The following SCN7A variants were observed in gnomAD, a reference collection of about 807,000 sequenced individuals.
SCN7A encodes the protein sodium voltage-gated channel alpha subunit 7.
Under a neutral mutation model 155.2 loss-of-function variants are expected in SCN7A, and 138 were observed. The observed-to-expected ratio is 0.89, with a 90% CI of 0.77 to 1.02. The LOEUF is 1.02. SCN7A is among the 50% of genes least tolerant of loss of function. The pLI, the probability that SCN7A is intolerant of heterozygous loss-of-function variation, is 0.00. For missense variants in SCN7A, 2,058 were observed against 1,986.6 expected (o/e 1.04, Z -0.68); for synonymous variants, 693 against 649.0 (o/e 1.07, Z -1.03).
chr2:166,461,597 G>T (rs1028039486), intron 10 of SCN7A, among the ~76,000 whole-genome samples: 1 of 152,060 alleles, frequency 6.6e-6, no homozygotes, highest in Non-Finnish European at 1.5e-5. Flanking sequence ...ATAAATAATT[G>T]CTTAAGATAT....
At chr2:166,419,306 T>C (rs1008448859) in intron 20 of SCN7A, among the ~76,000 whole-genome samples, 10 of 151,896 alleles carry the variant, frequency 6.6e-5, no homozygotes, top group African/African-American at 2.4e-4. Flanking sequence ...CATGTCAGAA[T>C]ATTCTATAAT....
intron 11 of SCN7A, among the ~76,000 whole-genome samples, chr2:166,456,348 T>A (rs1381782769): frequency 3.9e-5 from 6 of 152,182 alleles, no homozygotes; most frequent in South Asian, 4.1e-4. Context: ...GAACTGGACA[T>A]ATATCCAGTA....
chr2:166,447,566 T>C (rs1448398136), intron 12 of SCN7A, 46 bp downstream of exon 12: 1 of 1,231,462 alleles, frequency 8.1e-7, no homozygotes, highest in Non-Finnish European at 1.2e-6. Flanking sequence ...GTGAATTTTA[T>C]GAGTAGTACC....
chr2:166,462,607 T>C (rs1702439671), intron 9 of SCN7A, 77 bp from the exon 10 acceptor site: 1 of 1,405,158 alleles, frequency 7.1e-7, no homozygotes, highest in Non-Finnish European at 9.9e-7. Flanking sequence ...ATATAGAACA[T>C]CAGTCCTGAG....
rs75001129 is a variant in SCN7A, at chr2:166,416,189, A to T, written c.3414+518T>A. ...GGTCAGACAGGTTCTCTGCTCTCGAACCCTGTTTTCTGTTAAGATGTTTAT... is the reference window on the plus strand; with the variant it reads ...GGTCAGACAGGTTCTCTGCTCTCGATCCCTGTTTTCTGTTAAGATGTTTAT... On this transcript the variant is annotated intron_variant, in intron 21 of 25. Coordinates refer to ENST00000643258, the MANE Select transcript of SCN7A (RefSeq NM_002976.4). 5.1e-3 allele frequency among the ~76,000 whole-genome samples: 777 copies of T among 152,106 alleles called. 38 individuals are homozygous for T. In the East Asian group the frequency reaches 0.11, roughly 22 times the overall value.
chr2:166,423,491 T>C (rs1002787399), intron 18 of SCN7A, 59 bp from the exon 19 acceptor site: 57 of 1,443,736 alleles, frequency 3.9e-5, no homozygotes, highest in Non-Finnish European at 4.4e-5. Context: ...AAAAACTCTT[T>C]TGACATAAAA....
intron 18 of SCN7A, among the ~76,000 whole-genome samples, 183 bp downstream of exon 18, chr2:166,427,605 T>C (rs1362959725): frequency 2.0e-5 from 3 of 152,064 alleles, no homozygotes; most frequent in African/African-American, 7.2e-5. Context: ...GAATGATGCA[T>C]ATATAAACTT....
At chr2:166,478,901 T>G (rs1702860079) in intron 2 of SCN7A, among the ~76,000 whole-genome samples, 2 of 152,024 alleles carry the variant, frequency 1.3e-5, no homozygotes, top group African/African-American at 2.4e-5. Flanking sequence ...ACCTGGTTCT[T>G]TTTTCACACA....
At chr2:166,487,518 C>G (rs1261082318) in intron 1 of SCN7A, among the ~76,000 whole-genome samples, 1 of 152,162 alleles carries the variant, frequency 6.6e-6, no homozygotes, top group Non-Finnish European at 1.5e-5. Context: ...TAGGAGATGA[C>G]TGCCCAGGCC....
rs1701057406 is a variant in SCN7A at position 166,405,819 on chromosome 2, A to G, written c.4810T>C (p.Leu1604=). The G allele has an allele frequency of 4.3e-6, 7 of 1,613,008 alleles. No homozygotes were observed. Among genetic ancestry groups the G allele is most frequent in the Admixed American group, 3.3e-5 (2 of 59,870 alleles). The change falls in exon 26 of 26, where the codon TTG becomes CTG. Residue 1604 remains leucine, a synonymous_variant. Transcript: ENST00000643258. ...GTGATCTTAAAAGGGTTGGCTAACA[A>G]AAACCCTGATTCTATTTCTGAAACA... is the stretch of plus-strand genomic sequence containing the variant. ...KVVSEIESGF[L]LANPFKITCE... is the part of the protein sequence containing the mutation.
intron 15 of SCN7A, among the ~76,000 whole-genome samples, chr2:166,435,650 A>G (rs1408673362): frequency 1.3e-5 from 2 of 152,128 alleles, no homozygotes; most frequent in Non-Finnish European, 2.9e-5. Context: ...TATTGAGGCT[A>G]TTTAATTTTA....
chr2:166,454,686 C>T (rs1292595583), intron 11 of SCN7A, among the ~76,000 whole-genome samples: 1 of 151,948 alleles, frequency 6.6e-6, no homozygotes, highest in African/African-American at 2.4e-5. Context: ...CTCTATTTTT[C>T]GTTCTCTGGC....
chr2:166,410,609 A>G (rs796923338), intron 23 of SCN7A, among the ~76,000 whole-genome samples: 15 of 152,150 alleles, frequency 9.9e-5, no homozygotes, highest in African/African-American at 3.6e-4. Flanking sequence ...AAAAGAGGAC[A>G]AAGGAGAAAC....
At chr2:166,426,889 C>A (rs530263356) in intron 18 of SCN7A, among the ~76,000 whole-genome samples, 3 of 152,080 alleles carry the variant, frequency 2.0e-5, no homozygotes, top group South Asian at 4.2e-4. Context: ...ATAGGCAGTG[C>A]AAAGTCCAGT....
intron 20 of SCN7A, among the ~76,000 whole-genome samples, chr2:166,417,519 T>C (rs187698896): frequency 4.8e-4 from 73 of 152,004 alleles, no homozygotes; most frequent in African/African-American, 1.7e-3. Flanking sequence ...CTTAAAATGT[T>C]TGTACTAAAA....
intron 20 of SCN7A, among the ~76,000 whole-genome samples, chr2:166,418,497 C>T (rs1701440021): frequency 6.6e-6 from 1 of 151,544 alleles, no homozygotes. Flanking sequence ...TGAGGCACCA[C>T]TGATTCTGTT....
At chr2:166,436,869 C>T (rs373300585) in intron 15 of SCN7A, among the ~76,000 whole-genome samples, 1 of 152,082 alleles carries the variant, frequency 6.6e-6, no homozygotes, top group African/African-American at 2.4e-5. Flanking sequence ...GAACTTTGAA[C>T]TTGAGAGAGA....
intron 21 of SCN7A, among the ~76,000 whole-genome samples, chr2:166,413,817 T>A (rs896099345): frequency 9.3e-5 from 14 of 150,336 alleles, no homozygotes; most frequent in African/African-American, 3.4e-4. Context: ...CTGTGCTGGA[T>A]GCTTCCTGCC....
rs756217412 is a variant in SCN7A at position 166,447,615 on chromosome 2, C to T, written c.1384G>A (p.Glu462Lys). ...VLEDATLRHK[E>K]ELEKSKKICP... ...GTCTACTTATTTAGTACTTTACCTT[C>T]CTTATGTCTGAGAGTAGCATCTTCC... The change falls in exon 12 of 26, where the codon GAA (glutamate) becomes AAA (lysine). Residue 462 changes from glutamate (E) to lysine (K), a missense_variant. Coordinates refer to ENST00000643258, the MANE Select transcript of SCN7A (RefSeq NM_002976.4). 4.6e-5 allele frequency: 73 copies of T among 1,603,072 alleles called. No homozygotes were observed. The highest frequency in any genetic ancestry group is 1.2e-4 in the Admixed American group (7 of 59,796).
Sources: gnomAD v4.1 joint callset for allele counts (sites outside exome capture counted in the v4.1 genomes callset) on GRCh38, gnomAD v4.1.1 for gene constraint, MANE v1.5 for transcripts, NCBI Gene and HGNC (gene_info 2026-07-23, HGNC 2026-07-21) for gene names.